Variants in CHRNB4 observed in about 807,000 individuals in gnomAD.
The protein encoded by CHRNB4 is neuronal acetylcholine receptor subunit beta-4.
CHRNB4 carries 23 observed loss-of-function variants against 40.4 expected under a neutral mutation model. That is an observed-to-expected ratio of 0.57 (90% CI 0.41 to 0.81). The LOEUF (loss-of-function observed/expected upper bound fraction) is 0.81. CHRNB4 is among the 30% of genes least tolerant of loss of function. CHRNB4 has a pLI of 0.00. For missense variants in CHRNB4, 568 were observed against 670.6 expected, an observed-to-expected ratio of 0.85 and a Z score of 1.69; for synonymous variants, 285 against 274.4, an observed-to-expected ratio of 1.04 and a Z score of -0.38.
chr15:78,638,210 A>T (rs998774447), intron 1 of CHRNB4, among the ~76,000 whole-genome samples: 2 of 152,142 alleles, frequency 1.3e-5, no homozygotes, highest in Non-Finnish European at 2.9e-5. Flanking sequence ...TGTGGGGCTC[A>T]TGCTCCAGCT....
rs1166812292 is a variant in CHRNB4 at position 78,624,152 on chromosome 15, G to A, written c.*981C>T. 6.6e-6 allele frequency: 1 copy of A among 152,284 alleles called. No homozygotes were observed. Among genetic ancestry groups the A allele is most frequent in the East Asian group, 1.9e-4 (1 of 5,198 alleles). The allele number at this position is 152,284 out of a possible 1,614,324, so 9.4% of individuals were successfully genotyped here. On this transcript the variant is annotated 3_prime_UTR_variant, in exon 6 of 6. Coordinates refer to ENST00000261751, the MANE Select transcript of CHRNB4 (RefSeq NM_000750.5). ...TTATTGAGCACCTACTGTGTGCCAA[G>A]CTCTGTCCTAGGCCCTGGGGATACT... is the stretch of plus-strand genomic sequence containing the variant.
intron 1 of CHRNB4, among the ~76,000 whole-genome samples, chr15:78,636,915 G>C (rs928837336): frequency 2.6e-5 from 4 of 152,250 alleles, no homozygotes; most frequent in African/African-American, 9.6e-5. Flanking sequence ...TTACAGTGCA[G>C]GGGAGCAGCC....
intron 5 of CHRNB4, among the ~76,000 whole-genome samples, chr15:78,654,373 C>A (rs144247470): frequency 2.6e-5 from 4 of 152,214 alleles, no homozygotes; most frequent in Non-Finnish European, 2.9e-5. Flanking sequence ...TAACAATGAC[C>A]GCAAAGAACA....
At chr15:78,657,911 C>T (rs561887408) in intron 2 of CHRNB4, among the ~76,000 whole-genome samples, 16 of 152,102 alleles carry the variant, frequency 1.1e-4, no homozygotes, top group African/African-American at 3.4e-4. Flanking sequence ...GTCCTTTCTC[C>T]TGTGTTGCTC....
intron 2 of CHRNB4, chr15:78,634,568 G>A: frequency 2.7e-6 from 1 of 365,684 alleles, no homozygotes; most frequent in South Asian, 2.0e-5. Flanking sequence ...CAGGCTGGGT[G>A]TGTGTGGGCC....
chr15:78,660,659 T>C (rs1448236515), upstream of CHRNB4: 3 of 177,786 alleles, frequency 1.7e-5, no homozygotes, highest in Non-Finnish European at 3.6e-5. Flanking sequence ...ACTGACCTCA[T>C]GCTTGTCCAT....
At chr15:78,633,971 A>G (rs947285167) in intron 2 of CHRNB4, among the ~76,000 whole-genome samples, 3 of 151,868 alleles carry the variant, frequency 2.0e-5, no homozygotes, top group African/African-American at 4.8e-5. Flanking sequence ...GGCTCACCAG[A>G]CTCTGGAGTC....
At chr15:78,632,572 A>C (rs2053856461) in intron 2 of CHRNB4, among the ~76,000 whole-genome samples, 2 of 151,952 alleles carry the variant, frequency 1.3e-5, no homozygotes, top group Admixed American at 1.3e-4. Context: ...CAGCCTCCCA[A>C]AGTGCTGGCA....
intron 6 of CHRNB4, among the ~76,000 whole-genome samples, chr15:78,649,851 A>G (rs968728766): frequency 6.6e-6 from 1 of 151,532 alleles, no homozygotes; most frequent in Admixed American, 6.6e-5. Flanking sequence ...TTGTTTCATA[A>G]ATAAATTTGC....
upstream of CHRNB4, among the ~76,000 whole-genome samples, chr15:78,643,600 T>G (rs1163969127): frequency 6.6e-6 from 1 of 152,120 alleles, no homozygotes; most frequent in Admixed American, 6.5e-5. Context: ...GATTATGAGA[T>G]GCCCAACATC....
chr15:78,640,032 G>A (rs538893344), intron 1 of CHRNB4, among the ~76,000 whole-genome samples: 3 of 152,246 alleles, frequency 2.0e-5, no homozygotes, highest in Non-Finnish European at 2.9e-5. Flanking sequence ...CCAAAATGAT[G>A]GGTATATCTT....
At chr15:78,654,175 A>C (rs910953809) in intron 5 of CHRNB4, among the ~76,000 whole-genome samples, 1 of 152,176 alleles carries the variant, frequency 6.6e-6, no homozygotes, top group African/African-American at 2.4e-5. Context: ...GGGAGAGAAG[A>C]AGCCTAATGC....
chr15:78,631,281 C>A lies in CHRNB4; in HGVS notation c.249+7G>T. On this transcript the variant is annotated splice_region_variant and intron_variant, in intron 3 of 5. Transcript: ENST00000261751. ...CTCTGGGGCTCAGGGCCCTTCAGGG[C>A]ACTTACCTGTTTCAGCCAGACATTG... 6.2e-7 allele frequency: 1 copy of A among 1,614,140 alleles called. No homozygotes were observed. Among genetic ancestry groups the A allele is most frequent in the Non-Finnish European group, 8.5e-7 (1 of 1,179,978 alleles).
chr15:78,639,489 G>A (rs2054026481), intron 1 of CHRNB4, among the ~76,000 whole-genome samples: 1 of 152,022 alleles, frequency 6.6e-6, no homozygotes, highest in Non-Finnish European at 1.5e-5. Context: ...TAGTAGAGAC[G>A]GGGTTTCACC....
chr15:78,637,803 A>C (rs964485667), intron 1 of CHRNB4, among the ~76,000 whole-genome samples: 4 of 152,130 alleles, frequency 2.6e-5, no homozygotes, highest in Non-Finnish European at 5.9e-5. Context: ...CTCCTAGTGC[A>C]CCTGCTGCCT....
chr15:78,634,605 T>C (rs1012995420), intron 2 of CHRNB4: 3 of 420,620 alleles, frequency 7.1e-6, no homozygotes, highest in African/African-American at 4.1e-5. Context: ...GAGTCTGGCA[T>C]TTCAGAAGGC....
At chr15:78,646,100 T>C (rs146801045), upstream of CHRNB4, among the ~76,000 whole-genome samples, 168 of 148,928 alleles carry the variant, frequency 1.1e-3, no homozygotes, top group Admixed American at 2.3e-3. Context: ...CAGTGAGTAA[T>C]GGAAGGTTTA....
Position 78,629,691 on chromosome 15 carries a change from G to A in CHRNB4, c.614C>T (p.Ala205Val). ...FTPSGEWDIV[A>V]LPGRRTVNPQ... is the part of the protein sequence containing the mutation. Reference sequence around the variant, plus strand: ...GTTCACTGTCCTTCTCCCTGGGAGGGCCACTATGTCCCACTCACCACTGGG... The same window carrying A: ...GTTCACTGTCCTTCTCCCTGGGAGGACCACTATGTCCCACTCACCACTGGG... Residue 205 changes from alanine to valine, a missense_variant, in exon 5 of 6, where the codon GCC becomes GTC. Coordinates refer to ENST00000261751, the MANE Select transcript of CHRNB4 (RefSeq NM_000750.5). This position sits in a 1 kb window ranked among gnomAD's most constrained non-coding sequence, Gnocchi z 6.8. The A allele has an allele frequency of 6.2e-7, 1 of 1,614,130 alleles. No homozygotes were observed. The highest frequency in any genetic ancestry group is 8.5e-7 in the Non-Finnish European group (1 of 1,180,024).
intron 1 of CHRNB4, chr15:78,660,455 C>T (rs990474363): frequency 6.6e-6 from 1 of 152,358 alleles, no homozygotes; most frequent in Non-Finnish European, 1.5e-5. Context: ...CAATATTCTC[C>T]TTTCTAGTAA....
Sources: allele counts gnomAD v4.1 joint callset (sites outside exome capture counted in the v4.1 genomes callset), GRCh38; gene constraint gnomAD v4.1.1; non-coding constraint Gnocchi (gnomAD v3.1); transcripts MANE v1.5; gene names NCBI Gene and HGNC (gene_info 2026-07-23, HGNC 2026-07-21).